Variants in STK32C observed in about 807,000 individuals in gnomAD.
STK32C encodes the protein serine/threonine kinase 32C, also known as serine/threonine-protein kinase 32C.
In STK32C, 31 loss-of-function variants were observed where a neutral mutation model predicts 56.5. The observed-to-expected ratio is 0.55, with a 90% CI of 0.41 to 0.74. The LOEUF (loss-of-function observed/expected upper bound fraction) is 0.74. Among genes scored for constraint, STK32C ranks in the 30% least tolerant of loss-of-function variants. STK32C has a pLI of 0.00. For missense variants in STK32C, 544 were observed against 676.9 expected (o/e 0.80, Z 2.18); for synonymous variants, 309 against 289.4 (o/e 1.07, Z -0.69).
chr10:132,264,171 A>G (rs78881880), intron 1 of STK32C, among the ~76,000 whole-genome samples: 1 of 152,200 alleles, frequency 6.6e-6, no homozygotes, highest in Non-Finnish European at 1.5e-5. Flanking sequence ...TGTGAAGAGT[A>G]TGTTCTCAAC....
At chr10:132,314,592 T>C (rs939062825) in intron 1 of STK32C, among the ~76,000 whole-genome samples, 1 of 152,332 alleles carries the variant, frequency 6.6e-6, no homozygotes, top group South Asian at 2.1e-4. Context: ...CTAATATGTA[T>C]ATGCTGATTC....
Position 132,255,993 on chromosome 10 carries a change from C to G in STK32C, c.263-10038G>C, listed in dbSNP as rs1033631846. ...ACTCGCCCGGGTGGCTTGGCGGCTTCCCGGCATCCCTGGGCAGCTCCGGGA... is the reference window on the plus strand; with the variant it reads ...ACTCGCCCGGGTGGCTTGGCGGCTTGCCGGCATCCCTGGGCAGCTCCGGGA... On this transcript the variant is annotated intron_variant, in intron 1 of 11. Transcript: ENST00000298630. The surrounding 1 kb of genome is among the most constrained non-coding windows in gnomAD (Gnocchi z 4.6). Among the ~76,000 whole-genome samples, 1 of 152,208 alleles carries G rather than the reference C, an allele frequency of 6.6e-6. No homozygotes were observed. Among genetic ancestry groups the G allele is most frequent in the East Asian group, 1.9e-4 (1 of 5,194 alleles).
intron 2 of STK32C, among the ~76,000 whole-genome samples, chr10:132,233,968 A>C (rs1389324113): frequency 6.6e-6 from 1 of 152,178 alleles, no homozygotes; most frequent in Non-Finnish European, 1.5e-5. Flanking sequence ...AGTCCTCGCC[A>C]CTGTGGAACT....
intron 10 of STK32C, among the ~76,000 whole-genome samples, chr10:132,212,974 G>A (rs557051631): frequency 1.3e-4 from 20 of 152,220 alleles, no homozygotes; most frequent in Non-Finnish European, 2.4e-4. Flanking sequence ...TCTGGGGAGC[G>A]GCCGGGGCCG....
At chr10:132,247,687 G>C (rs1386986990) in intron 1 of STK32C, among the ~76,000 whole-genome samples, 1 of 152,192 alleles carries the variant, frequency 6.6e-6, no homozygotes. Flanking sequence ...GCAGTCAGCA[G>C]AGCACCTGGG....
intron 1 of STK32C, among the ~76,000 whole-genome samples, chr10:132,261,305 A>G (rs2064299308): frequency 6.6e-6 from 1 of 152,212 alleles, no homozygotes; most frequent in African/African-American, 2.4e-5. Context: ...CAGAACCAAC[A>G]TACAACAATC....
At chr10:132,239,653 C>T (rs371106794) in intron 2 of STK32C, among the ~76,000 whole-genome samples, 49 of 152,330 alleles carry the variant, frequency 3.2e-4, no homozygotes, top group African/African-American at 9.6e-4. Flanking sequence ...CCCAGCCGCC[C>T]GCAGTGACTG....
intron 1 of STK32C, among the ~76,000 whole-genome samples, chr10:132,253,091 C>G (rs763367947): frequency 6.6e-6 from 1 of 152,246 alleles, no homozygotes; most frequent in Non-Finnish European, 1.5e-5. Context: ...CAGGGACGTT[C>G]GTCCTCCCTA....
intron 1 of STK32C, among the ~76,000 whole-genome samples, chr10:132,316,384 G>T (rs1564801180): frequency 6.6e-6 from 1 of 152,082 alleles, no homozygotes; most frequent in South Asian, 2.1e-4. Flanking sequence ...AGGCTGAGGT[G>T]GGAGGATTGC....
intron 1 of STK32C, among the ~76,000 whole-genome samples, chr10:132,282,947 G>A (rs1232471342): frequency 6.6e-6 from 1 of 152,238 alleles, no homozygotes; most frequent in Non-Finnish European, 1.5e-5. Context: ...TCTGAGGCTG[G>A]GGTCGGGGAG....
intron 1 of STK32C, among the ~76,000 whole-genome samples, chr10:132,273,703 GAGT>G (rs920554790): frequency 6.6e-6 from 1 of 152,148 alleles, no homozygotes; most frequent in Non-Finnish European, 1.5e-5. Context: ...GTAAATGAAC[GAGT>G]AGATGAGAAT....
chr10:132,268,696 C>T (rs1199160754), intron 1 of STK32C, among the ~76,000 whole-genome samples: 11 of 142,702 alleles, frequency 7.7e-5, no homozygotes, highest in African/African-American at 2.7e-4. Flanking sequence ...TGTCTGTGCG[C>T]ATGCATGTCT....
intron 1 of STK32C, among the ~76,000 whole-genome samples, chr10:132,246,825 C>T (rs1266824356): frequency 6.6e-6 from 1 of 152,128 alleles, no homozygotes; most frequent in African/African-American, 2.4e-5. Flanking sequence ...CCAGATGACT[C>T]CCAGGCCAGC....
intron 2 of STK32C, among the ~76,000 whole-genome samples, chr10:132,233,193 T>C (rs1161270848): frequency 1.3e-5 from 2 of 151,996 alleles, no homozygotes; most frequent in Non-Finnish European, 2.9e-5. Context: ...CTGGAGAAGG[T>C]GTCTGCAGCG....
chr10:132,242,217 GGGGGCCAGGGGCTGGTGTCCTCTGAGA>G (rs2063526925), intron 2 of STK32C, among the ~76,000 whole-genome samples: 1 of 152,166 alleles, frequency 6.6e-6, no homozygotes, highest in Non-Finnish European at 1.5e-5. Flanking sequence ...AAGCATGTAT[GGGGGCCAGGGGCTGGTGTCCTCTGAGA>G]GGGGCCATGA....
chr10:132,299,322 C>A (rs1026738575), intron 1 of STK32C, among the ~76,000 whole-genome samples: 10 of 150,444 alleles, frequency 6.6e-5, no homozygotes, highest in African/African-American at 2.5e-4. Context: ...CACCAGCCAA[C>A]AGCAAACTGA....
At chr10:132,261,867 G>A (rs2064316648) in intron 1 of STK32C, among the ~76,000 whole-genome samples, 1 of 152,198 alleles carries the variant, frequency 6.6e-6, no homozygotes, top group African/African-American at 2.4e-5. Flanking sequence ...TGGCCATACT[G>A]CCCAAAGTAA....
At chr10:132,262,166 C>G (rs1471380434) in intron 1 of STK32C, among the ~76,000 whole-genome samples, 1 of 152,100 alleles carries the variant, frequency 6.6e-6, no homozygotes, top group East Asian at 1.9e-4. Flanking sequence ...TGATCTTCGA[C>G]AAAGCTGACA....
intron 2 of STK32C, among the ~76,000 whole-genome samples, chr10:132,237,774 G>A (rs2063346632): frequency 6.6e-6 from 1 of 152,218 alleles, no homozygotes; most frequent in African/African-American, 2.4e-5. Flanking sequence ...AGAGCCTGGA[G>A]GAGAACCAGC....
Sources: gnomAD v4.1 joint callset for allele counts (sites outside exome capture counted in the v4.1 genomes callset) on GRCh38, gnomAD v4.1.1 for gene constraint, Gnocchi (gnomAD v3.1) non-coding constraint, MANE v1.5 for transcripts, NCBI Gene and HGNC (gene_info 2026-07-23, HGNC 2026-07-21) for gene names.